DIAPH2: variants seen among roughly 807,000 people sequenced by gnomAD.
The protein encoded by DIAPH2 is diaphanous related formin 2, also known as protein diaphanous homolog 2.
DIAPH2 carries 35 observed loss-of-function variants against 92.7 expected under a neutral mutation model. The ratio of observed to expected loss-of-function variants is 0.38; its 90% CI spans 0.29 to 0.50. The LOEUF (loss-of-function observed/expected upper bound fraction) is 0.50. Among genes scored for constraint, DIAPH2 ranks in the 20% least tolerant of loss-of-function variants. The pLI, the probability that DIAPH2 is intolerant of heterozygous loss-of-function variation, is 0.94. For missense variants in DIAPH2, 701 were observed against 819.5 expected, an observed-to-expected ratio of 0.86 and a Z score of 1.77; for synonymous variants, 301 against 280.4, an observed-to-expected ratio of 1.07 and a Z score of -0.73.
chrX:96,826,958 T>C (rs2064819898), intron 4 of DIAPH2, among the ~76,000 whole-genome samples: 1 of 111,824 alleles, frequency 8.9e-6, no homozygotes, highest in Non-Finnish European at 1.9e-5. Flanking sequence ...TAGAGCTATA[T>C]TGCTAGTTAT....
At chrX:97,048,931 G>C (rs868491133) in intron 17 of DIAPH2, among the ~76,000 whole-genome samples, 2 of 108,164 alleles carry the variant, frequency 1.8e-5, no homozygotes, top group Non-Finnish European at 3.9e-5. Context: ...CTTACTTTTT[G>C]ACATACAAAG....
At chrX:97,521,438 A>G (rs1329814561) in intron 26 of DIAPH2, among the ~76,000 whole-genome samples, 2 of 111,542 alleles carry the variant, frequency 1.8e-5, no homozygotes, top group Non-Finnish European at 3.8e-5. Context: ...CTCACCCCCA[A>G]CAATAGTTCT....
At chrX:97,144,805 C>T (rs1283072385) in intron 22 of DIAPH2, among the ~76,000 whole-genome samples, 2 of 111,247 alleles carry the variant, frequency 1.8e-5, no homozygotes, top group Non-Finnish European at 3.8e-5. Flanking sequence ...TGCTCTTTCG[C>T]CCAGGCTGGA....
chrX:96,786,658 A>G (rs1284826075), intron 4 of DIAPH2, among the ~76,000 whole-genome samples: 2 of 111,130 alleles, frequency 1.8e-5, no homozygotes, highest in Non-Finnish European at 3.8e-5. Flanking sequence ...AGAACCCCAA[A>G]CTGAAACACC....
At chrX:96,939,682 T>TTTTTTTA (rs2065689976) in intron 12 of DIAPH2, among the ~76,000 whole-genome samples, 1 of 55,323 alleles carries the variant, frequency 1.8e-5, no homozygotes, top group Non-Finnish European at 3.4e-5. Flanking sequence ...TTTTTTTTTT[T>TTTTTTTA]GAGACGGAGT....
At chrX:97,079,901 A>G (rs1419509356) in intron 19 of DIAPH2, among the ~76,000 whole-genome samples, 3 of 111,695 alleles carry the variant, frequency 2.7e-5, no homozygotes, top group Non-Finnish European at 5.6e-5. Context: ...ATGTCAGATT[A>G]TAATGACTTA....
At chrX:96,834,128 T>C (rs1252707605) in intron 4 of DIAPH2, among the ~76,000 whole-genome samples, 2 of 112,012 alleles carry the variant, frequency 1.8e-5, no homozygotes, top group Non-Finnish European at 3.8e-5. Flanking sequence ...AAGCTGCATT[T>C]AGACTATGCT....
At chrX:97,246,381 T>C (rs1481305130) in intron 22 of DIAPH2, among the ~76,000 whole-genome samples, 1 of 112,347 alleles carries the variant, frequency 8.9e-6, no homozygotes, top group East Asian at 2.8e-4. Context: ...GGTGAACCAT[T>C]AGCAAATTTT....
At chrX:97,496,420 C>T (rs2070758595) in intron 26 of DIAPH2, among the ~76,000 whole-genome samples, 1 of 108,983 alleles carries the variant, frequency 9.2e-6, no homozygotes, top group Admixed American at 9.8e-5. Flanking sequence ...GGTGATCCAC[C>T]CACCTCGGCC....
intron 25 of DIAPH2, among the ~76,000 whole-genome samples, chrX:97,412,477 C>T (rs925774016): frequency 1.8e-5 from 2 of 111,881 alleles, no homozygotes; most frequent in Non-Finnish European, 3.8e-5. Context: ...AACACCCTAA[C>T]ATCACAATTA....
At chrX:97,226,039 A>G (rs1434775159) in intron 22 of DIAPH2, among the ~76,000 whole-genome samples, 2 of 111,807 alleles carry the variant, frequency 1.8e-5, no homozygotes, top group African/African-American at 6.5e-5. Flanking sequence ...TGTACTTAGC[A>G]GGATAAGAGA....
chrX:97,480,029 G>A (rs1244725153), intron 26 of DIAPH2, among the ~76,000 whole-genome samples: 1 of 111,948 alleles, frequency 8.9e-6, no homozygotes, highest in Non-Finnish European at 1.9e-5. Flanking sequence ...GGCTATGAAA[G>A]AGTTATGGGT....
chrX:96,754,287 T>TG (rs2064210839), intron 3 of DIAPH2, among the ~76,000 whole-genome samples: 1 of 112,080 alleles, frequency 8.9e-6, no homozygotes, highest in African/African-American at 3.2e-5. Flanking sequence ...TAGAATTATT[T>TG]GTTACTACTG....
At chrX:96,899,176 GT>G (rs2065372653) in intron 5 of DIAPH2, among the ~76,000 whole-genome samples, 1 of 108,711 alleles carries the variant, frequency 9.2e-6, no homozygotes, top group African/African-American at 3.3e-5. Context: ...CTCCAGCTTT[GT>G]TCTTTTGGCT....
intron 22 of DIAPH2, among the ~76,000 whole-genome samples, chrX:97,162,329 C>T (rs936489544): frequency 2.7e-5 from 3 of 111,419 alleles, no homozygotes; most frequent in African/African-American, 9.8e-5. Context: ...CCTCTCTGTG[C>T]CACAATTTCT....
chrX:97,202,529 A>G (rs1602414183), intron 22 of DIAPH2, among the ~76,000 whole-genome samples: 1 of 112,325 alleles, frequency 8.9e-6, no homozygotes, highest in East Asian at 2.8e-4. Context: ...AGGGATTGCA[A>G]TCCTAGTCTC....
intron 4 of DIAPH2, among the ~76,000 whole-genome samples, chrX:96,855,505 A>C (rs2065033839): frequency 9.1e-6 from 1 of 110,095 alleles, no homozygotes; most frequent in Non-Finnish European, 1.9e-5. Context: ...TGCAGCAATA[A>C]AAAACTATGG....
intron 26 of DIAPH2, among the ~76,000 whole-genome samples, chrX:97,495,459 T>C (rs1044173421): frequency 2.7e-5 from 3 of 112,024 alleles, no homozygotes; most frequent in Admixed American, 9.5e-5. Context: ...AAAGGCCATC[T>C]GGAATTCCCT....
Position 97,600,056 on chromosome X carries a change from T to C in DIAPH2, c.*739T>C, listed in dbSNP as rs2071583370. On this transcript the variant is annotated 3_prime_UTR_variant, in exon 27 of 27. Transcript: ENST00000324765. ...TTAAACTTTATTTAAAGAGGTATTT[T>C]CTAATTATGCACAGATATCTACTTT... 8.9e-6 allele frequency: 1 copy of C among 112,856 alleles called. No individual in the cohort carries two copies. Among genetic ancestry groups the C allele is most frequent in the Non-Finnish European group, 1.9e-5 (1 of 53,256 alleles). 9.3% of individuals were successfully genotyped at this position (112,856 alleles called of 1,213,427 possible).
Sources: gnomAD v4.1 joint callset for allele counts (sites outside exome capture counted in the v4.1 genomes callset) on GRCh38, gnomAD v4.1.1 for gene constraint, MANE v1.5 for transcripts, NCBI Gene and HGNC (gene_info 2026-07-23, HGNC 2026-07-21) for gene names.